DNAL1: variants seen among roughly 807,000 people sequenced by gnomAD.
DNAL1 encodes the protein chromosome 14 open reading frame 168.
DNAL1 carries 17 observed loss-of-function variants against 29.4 expected under a neutral mutation model. The ratio of observed to expected loss-of-function variants is 0.58; its 90% CI spans 0.40 to 0.87. The LOEUF (loss-of-function observed/expected upper bound fraction) is 0.87. Ranked by LOEUF, DNAL1 falls within the 40% of genes least tolerant of loss-of-function variation. The pLI is 0.00. For synonymous variants in DNAL1, 78 were observed against 76.3 expected, an observed-to-expected ratio of 1.02 and a Z score of -0.12; for missense variants, 188 against 214.1, an observed-to-expected ratio of 0.88 and a Z score of 0.76.
chr14:73,668,772 G>A (rs1289931674), intron 4 of DNAL1, among the ~76,000 whole-genome samples: 2 of 152,124 alleles, frequency 1.3e-5, no homozygotes, highest in Non-Finnish European at 2.9e-5. Context: ...CGCCTCCCAG[G>A]TTCAAGCAAT....
chr14:73,678,213 A>G (rs1891791870), intron 5 of DNAL1, among the ~76,000 whole-genome samples: 1 of 151,958 alleles, frequency 6.6e-6, no homozygotes, highest in Admixed American at 6.6e-5. Flanking sequence ...ATCTTTTTAT[A>G]TACTAGTCAT....
chr14:73,678,533 T>TA (rs1555402432), intron 5 of DNAL1, among the ~76,000 whole-genome samples: 2 of 140,114 alleles, frequency 1.4e-5, no homozygotes, highest in African/African-American at 5.1e-5. Flanking sequence ...TTTTTTTTTT[T>TA]AGCAGTGCTA....
chr14:73,677,402 T>G (rs892121927), intron 5 of DNAL1, among the ~76,000 whole-genome samples: 1 of 151,650 alleles, frequency 6.6e-6, no homozygotes, highest in African/African-American at 2.4e-5. Context: ...ACTCCTGGGC[T>G]CAAGTGACCC....
chr14:73,681,633 A>AAAAATATATATATAT (rs1555402645), intron 5 of DNAL1, among the ~76,000 whole-genome samples: 2 of 35,420 alleles, frequency 5.6e-5, no homozygotes, highest in Non-Finnish European at 4.1e-5. Flanking sequence ...AAAAAAAAAA[A>AAAAATATATATATAT]ATATATATAT....
intron 2 of DNAL1, 122 bp from the exon 3 acceptor site, chr14:73,658,723 AAC>A (rs1392685910): frequency 4.9e-6 from 3 of 618,182 alleles, no homozygotes; most frequent in Non-Finnish European, 5.4e-6. Context: ...AGAATTATTA[AAC>A]AGTTTGCTAA....
rs1892472984 is a variant in DNAL1, at chr14:73,702,972, T to G, written c.*7030T>G. ...AAAAAAAAAAAAAGAAAAAAAAAAT[T>G]AGTTGGGCATGGCAATGCCGCCTGT... On this transcript the variant is annotated 3_prime_UTR_variant, in exon 8 of 8. Coordinates refer to ENST00000553645, the MANE Select transcript of DNAL1 (RefSeq NM_031427.4). The G allele has an allele frequency of 6.6e-6, 1 of 150,956 alleles. No homozygotes were observed. Among genetic ancestry groups the G allele is most frequent in the Non-Finnish European group, 1.5e-5 (1 of 67,812 alleles). The allele number at this position is 150,956 out of a possible 1,614,324, so 9.4% of individuals were successfully genotyped here.
chr14:73,666,623 T>G (rs1891486888), intron 4 of DNAL1, among the ~76,000 whole-genome samples: 1 of 152,186 alleles, frequency 6.6e-6, no homozygotes, highest in Non-Finnish European at 1.5e-5. Context: ...CATAATTTAT[T>G]TCCTTATACA....
chr14:73,652,506 G>A (rs923309978), intron 1 of DNAL1, among the ~76,000 whole-genome samples: 49 of 151,910 alleles, frequency 3.2e-4, no homozygotes, highest in African/African-American at 1.2e-3. Context: ...GAACTCCTGG[G>A]CTCAAGCAGT....
intron 7 of DNAL1, among the ~76,000 whole-genome samples, chr14:73,694,071 G>A (rs1208031818): frequency 2.0e-5 from 3 of 151,714 alleles, no homozygotes; most frequent in Non-Finnish European, 2.9e-5. Context: ...TTCATAAAGG[G>A]TAGGATTTAG....
intron 5 of DNAL1, among the ~76,000 whole-genome samples, chr14:73,682,337 ATTTTTTTTTTTT>A (rs57403758): frequency 9.6e-5 from 9 of 93,402 alleles, no homozygotes; most frequent in African/African-American, 3.3e-4. Flanking sequence ...TGCCTGGCTA[ATTTTTTTTTTTT>A]TTTTTTTTTT....
In DNAL1 at chr14:73,702,297, G is replaced by T. The variant is rs1262631781; in HGVS notation, c.*6355G>T. On this transcript the variant is annotated 3_prime_UTR_variant, in exon 8 of 8. Transcript: ENST00000553645. ...TGGGACTACAGGCGCACACCACCAT[G>T]CTTGGCTAATTTTTGTATTTTTAGT... is the stretch of plus-strand genomic sequence containing the variant. 1 of 152,024 alleles carries T rather than the reference G, an allele frequency of 6.6e-6. No individual in the cohort carries two copies. Among genetic ancestry groups the T allele is most frequent in the Non-Finnish European group, 1.5e-5 (1 of 68,028 alleles). The allele number at this position is 152,024 out of a possible 1,614,324, so 9.4% of individuals were successfully genotyped here.
At chr14:73,673,274 GT>G (rs1891657702) in intron 5 of DNAL1, among the ~76,000 whole-genome samples, 1 of 152,132 alleles carries the variant, frequency 6.6e-6, no homozygotes, top group Non-Finnish European at 1.5e-5. Context: ...GCAGATAAAT[GT>G]ACTCCAGAAC....
chr14:73,688,444 T>A (rs1411048249), intron 6 of DNAL1, among the ~76,000 whole-genome samples: 5 of 152,126 alleles, frequency 3.3e-5, no homozygotes, highest in Admixed American at 2.6e-4. Context: ...ACCCAAATTT[T>A]TTTTTGTAAA....
chr14:73,676,071 C>G (rs1239808164), intron 5 of DNAL1, among the ~76,000 whole-genome samples: 1 of 149,356 alleles, frequency 6.7e-6, no homozygotes, highest in African/African-American at 2.5e-5. Context: ...GAGACGGAGT[C>G]AAAATTTTAA....
At chr14:73,658,778 A>G in intron 2 of DNAL1, 69 bp from the exon 3 acceptor site, 1 of 1,172,830 alleles carries the variant, frequency 8.5e-7, no homozygotes, top group Non-Finnish European at 1.2e-6. Context: ...AAGCCTTAGG[A>G]AATTCTGGCC....
chr14:73,693,264 C>T (rs925838024), intron 7 of DNAL1, among the ~76,000 whole-genome samples: 3 of 138,744 alleles, frequency 2.2e-5, no homozygotes, highest in African/African-American at 5.2e-5. Flanking sequence ...GGGAAATTGG[C>T]GTTATCTACA....
At chr14:73,650,121 CTACAGG>C (rs1891080674) in intron 1 of DNAL1, among the ~76,000 whole-genome samples, 1 of 152,038 alleles carries the variant, frequency 6.6e-6, no homozygotes, top group South Asian at 2.1e-4. Flanking sequence ...GTACCTAGGA[CTACAGG>C]TACATGCCAC....
intron 4 of DNAL1, among the ~76,000 whole-genome samples, chr14:73,667,334 A>T (rs756080832): frequency 3.3e-5 from 5 of 151,938 alleles, no homozygotes; most frequent in Non-Finnish European, 7.4e-5. Flanking sequence ...GCATGGTGGC[A>T]TGCGCCTATA....
At chr14:73,655,030 T>C in intron 2 of DNAL1, 145 bp downstream of exon 2, 1 of 793,734 alleles carries the variant, frequency 1.3e-6, no homozygotes, top group South Asian at 1.8e-5. Context: ...ATGCATGAAC[T>C]TACACATATG....
Sources: allele counts gnomAD v4.1 joint callset (sites outside exome capture counted in the v4.1 genomes callset), GRCh38; gene constraint gnomAD v4.1.1; transcripts MANE v1.5; gene names NCBI Gene and HGNC (gene_info 2026-07-23, HGNC 2026-07-21).